The following RGS6 variants were observed in gnomAD, a reference collection of about 807,000 sequenced individuals.
The protein encoded by RGS6 is regulator of G protein signaling 6.
In RGS6, 30 loss-of-function variants were observed where a neutral mutation model predicts 78.5. That is an observed-to-expected ratio of 0.38 (90% CI 0.29 to 0.52). RGS6 has a LOEUF of 0.52. Among genes scored for constraint, RGS6 ranks in the 20% least tolerant of loss-of-function variants. The probability of loss-of-function intolerance (pLI) is 0.85; values close to 1 mark genes in which losing one functional copy is unlikely to be tolerated. For synonymous variants in RGS6, 206 were observed against 206.0 expected (o/e 1.00, Z 0.00); for missense variants, 495 against 609.7 (o/e 0.81, Z 1.98).
chr14:72,390,411 C>G (rs2152940876), intron 3 of RGS6, among the ~76,000 whole-genome samples: 1 of 151,964 alleles, frequency 6.6e-6, no homozygotes, highest in South Asian at 2.1e-4. Context: ...AGCCATAGTT[C>G]TTGGTGGAAA....
intron 2 of RGS6, among the ~76,000 whole-genome samples, chr14:71,965,551 A>G (rs1038604109): frequency 6.6e-6 from 1 of 152,248 alleles, no homozygotes; most frequent in African/African-American, 2.4e-5. Context: ...GGAACTGGTT[A>G]GCTTGGACAT....
At chr14:71,881,269 T>C in the RGS6 span, among the ~76,000 whole-genome samples, 1 of 152,240 alleles carries the variant, frequency 6.6e-6, no homozygotes, top group Non-Finnish European at 1.5e-5. Context: ...GATCAGACTT[T>C]GGACTGTGGA....
chr14:71,963,397 CA>C (rs1288044330), intron 1 of RGS6, among the ~76,000 whole-genome samples: 1 of 152,086 alleles, frequency 6.6e-6, no homozygotes, highest in African/African-American at 2.4e-5. Flanking sequence ...CAAAATTAGC[CA>C]TCTTAAAGTG....
chr14:72,600,434 G>A, the RGS6 span, among the ~76,000 whole-genome samples: 7,172 of 151,310 alleles, frequency 0.047, 605 homozygotes, highest in African/African-American at 0.16. Context: ...CAGTGAACTA[G>A]CCTGGGACAC....
At chr14:72,459,547 C>A (rs2095721048) in intron 5 of RGS6, 85 bp from the exon 6 acceptor site, 1 of 1,276,138 alleles carries the variant, frequency 7.8e-7, no homozygotes, top group Non-Finnish European at 1.1e-6. Context: ...GGAGAGCCTG[C>A]CATCAGGGAG....
At chr14:72,415,756 A>T (rs2093764442) in intron 3 of RGS6, among the ~76,000 whole-genome samples, 1 of 152,252 alleles carries the variant, frequency 6.6e-6, no homozygotes, top group Non-Finnish European at 1.5e-5. Flanking sequence ...AGCAACATCC[A>T]TCACAAGAAT....
chr14:72,301,837 G>A (rs1010162500), intron 2 of RGS6, among the ~76,000 whole-genome samples: 1 of 151,994 alleles, frequency 6.6e-6, no homozygotes, highest in Non-Finnish European at 1.5e-5. Flanking sequence ...CACTCACACT[G>A]GATTAGGGAC....
chr14:72,033,913 GTTTTGTTTTTTGT>G (rs2091299243), intron 2 of RGS6, among the ~76,000 whole-genome samples: 1 of 152,040 alleles, frequency 6.6e-6, no homozygotes, highest in African/African-American at 2.4e-5. Context: ...GGTATTTTCT[GTTTTGTTTTTTGT>G]TTTTGTTTGG....
At chr14:72,175,075 G>A (rs2153689523) in intron 2 of RGS6, among the ~76,000 whole-genome samples, 1 of 152,322 alleles carries the variant, frequency 6.6e-6, no homozygotes, top group East Asian at 1.9e-4. Context: ...TGTGCCGAGT[G>A]TCATGCAATG....
intron 2 of RGS6, among the ~76,000 whole-genome samples, chr14:72,059,386 G>C (rs1424412761): frequency 6.6e-6 from 1 of 152,226 alleles, no homozygotes; most frequent in African/African-American, 2.4e-5. Flanking sequence ...CTTTGGGATG[G>C]AGTCTAATGA....
chr14:71,887,933 C>T, the RGS6 span, among the ~76,000 whole-genome samples: 1 of 152,144 alleles, frequency 6.6e-6, no homozygotes, highest in African/African-American at 2.4e-5. Flanking sequence ...TGTTCTTACA[C>T]CCCTTCCCCT....
chr14:72,358,517 T>TA (rs1292649047), intron 3 of RGS6, among the ~76,000 whole-genome samples: 1 of 152,250 alleles, frequency 6.6e-6, no homozygotes. Context: ...AGACATGAAG[T>TA]AAAAGGAGAT....
At chr14:71,902,958 T>C in the RGS6 span, among the ~76,000 whole-genome samples, 2 of 152,244 alleles carry the variant, frequency 1.3e-5, no homozygotes, top group Non-Finnish European at 2.9e-5. Flanking sequence ...AAATCTTTAC[T>C]CTTTAGTTTT....
chr14:72,439,671 T>G (rs1688673374), intron 3 of RGS6, among the ~76,000 whole-genome samples: 1 of 152,248 alleles, frequency 6.6e-6, no homozygotes, highest in South Asian at 2.1e-4. Context: ...TACCTGCCTC[T>G]GTGCCTCACG....
intron 2 of RGS6, among the ~76,000 whole-genome samples, chr14:72,264,104 A>T (rs966386394): frequency 6.6e-6 from 1 of 152,212 alleles, no homozygotes; most frequent in Non-Finnish European, 1.5e-5. Context: ...GTAGCCTTAT[A>T]TCAGTTCAGG....
chr14:72,542,787 A>G (rs945341041), intron 17 of RGS6, among the ~76,000 whole-genome samples: 1 of 151,600 alleles, frequency 6.6e-6, no homozygotes, highest in Non-Finnish European at 1.5e-5. Flanking sequence ...GGTAGAAGAG[A>G]AACACTTGGA....
intron 2 of RGS6, among the ~76,000 whole-genome samples, chr14:72,290,940 C>G (rs892276704): frequency 3.3e-5 from 5 of 152,132 alleles, no homozygotes; most frequent in Non-Finnish European, 5.9e-5. Context: ...TCCAGACTCT[C>G]AAGAGGCAAA....
At chr14:72,157,243 G>A (rs17108294) in intron 2 of RGS6, among the ~76,000 whole-genome samples, 12,501 of 152,224 alleles carry the variant, frequency 0.082, 596 homozygotes, top group African/African-American at 0.13. Context: ...AAGGCATTCA[G>A]GGCTCACCTC....
At chr14:72,203,015 CA>C (rs1477606017) in intron 2 of RGS6, among the ~76,000 whole-genome samples, 2 of 152,042 alleles carry the variant, frequency 1.3e-5, no homozygotes, top group Admixed American at 1.3e-4. Context: ...GCTGAGACTA[CA>C]GGCGCCCGCC....
Sources: gnomAD v4.1 joint callset for allele counts (sites outside exome capture counted in the v4.1 genomes callset) on GRCh38, gnomAD v4.1.1 for gene constraint, MANE v1.5 for transcripts, NCBI Gene and HGNC (gene_info 2026-07-23, HGNC 2026-07-21) for gene names.